The following XYLT1 variants were observed in gnomAD, a reference collection of about 807,000 sequenced individuals.
XYLT1 encodes beta-D-xylosyltransferase 1.
A neutral mutation model predicts 91.3 loss-of-function variants in XYLT1; 36 were observed. The ratio of observed to expected loss-of-function variants is 0.39; its 90% CI spans 0.30 to 0.52. The LOEUF is 0.52. Ranked by LOEUF, XYLT1 falls within the 20% of genes least tolerant of loss-of-function variation. The probability of loss-of-function intolerance (pLI) is 0.68; values close to 1 mark genes in which losing one functional copy is unlikely to be tolerated. For missense variants in XYLT1, 1,242 were observed against 1,284.5 expected, an observed-to-expected ratio of 0.97 and a Z score of 0.51; for synonymous variants, 588 against 532.0, an observed-to-expected ratio of 1.11 and a Z score of -1.45.
chr16:17,191,829 T>A (rs1165407264), intron 5 of XYLT1, among the ~76,000 whole-genome samples: 2 of 152,228 alleles, frequency 1.3e-5, no homozygotes, highest in African/African-American at 4.8e-5. Context: ...GTCCATGTGG[T>A]GGGCCCTGAT....
intron 1 of XYLT1, among the ~76,000 whole-genome samples, chr16:17,364,164 C>CT (rs1239489470): frequency 3.3e-5 from 5 of 152,204 alleles, no homozygotes; most frequent in Admixed American, 6.5e-5. Context: ...CCTAGCACCA[C>CT]TTGCGACCTT....
intron 2 of XYLT1, among the ~76,000 whole-genome samples, chr16:17,288,886 C>A (rs2034179864): frequency 6.6e-6 from 1 of 152,128 alleles, no homozygotes. Flanking sequence ...ATAAAAATTT[C>A]TTACCGTTTT....
chr16:17,341,858 G>A (rs560806886), intron 2 of XYLT1, among the ~76,000 whole-genome samples: 1 of 152,264 alleles, frequency 6.6e-6, no homozygotes, highest in African/African-American at 2.4e-5. Flanking sequence ...ACACGGAGTA[G>A]GTATAAACTA....
Position 17,259,012 on chromosome 16 carries a change from C to A in XYLT1, c.889G>T (p.Val297Leu). ...HKLGLLMPEK[V>L]TRFCPLEGKA... ...CCCTCGAGGGGGCAGAACCGAGTCACCTTCTCAGGCATCAGCAGCCCTAAC... is the reference window on the plus strand; with the variant it reads ...CCCTCGAGGGGGCAGAACCGAGTCAACTTCTCAGGCATCAGCAGCCCTAAC... Residue 297 changes from valine to leucine, a missense_variant, in exon 3 of 12, where the codon GTG becomes TTG. Val to Leu is a conservative substitution (Grantham distance 32, BLOSUM62 1). Around this residue, in one of 3 missense-constraint regions of XYLT1, gnomAD observed 437 missense variants for 411.5 expected, o/e 1.06. Transcript: ENST00000261381. The A allele has an allele frequency of 6.6e-7, 1 of 1,508,314 alleles. No individual in the cohort carries two copies. The allele number at this position is 1,508,314 out of a possible 1,614,324, so 93.4% of individuals were successfully genotyped here. A position where few individuals can be genotyped will look rare whatever the true frequency, so the allele number is the denominator to read the frequency against.
intron 2 of XYLT1, among the ~76,000 whole-genome samples, chr16:17,272,461 G>A (rs1021762303): frequency 1.3e-5 from 2 of 152,042 alleles, no homozygotes; most frequent in African/African-American, 2.4e-5. Flanking sequence ...CACTGCGCCC[G>A]GCCATGTCTC....
At chr16:17,385,399 T>G (rs1596517363) in intron 1 of XYLT1, among the ~76,000 whole-genome samples, 1 of 151,948 alleles carries the variant, frequency 6.6e-6, no homozygotes, top group East Asian at 2.0e-4. Flanking sequence ...TTCAGCTATA[T>G]TATATGCTGT....
intron 2 of XYLT1, among the ~76,000 whole-genome samples, chr16:17,353,290 C>T (rs115986949): frequency 5.9e-5 from 9 of 152,206 alleles, no homozygotes; most frequent in Non-Finnish European, 1.2e-4. Context: ...TATCTCCCAA[C>T]GTATCTCAGT....
At chr16:17,184,634 C>T (rs77109954) in intron 5 of XYLT1, among the ~76,000 whole-genome samples, 9,857 of 152,272 alleles carry the variant, frequency 0.065, 510 homozygotes, top group African/African-American at 0.14. Flanking sequence ...CTGTGGCTAA[C>T]GGCTACCATA....
chr16:17,141,126 C>A (rs1321589979), intron 7 of XYLT1, 27 bp downstream of exon 7: 6 of 1,607,144 alleles, frequency 3.7e-6, no homozygotes, highest in Non-Finnish European at 5.1e-6. Context: ...CCCTATCTTT[C>A]TTGGGAAAAT....
At chr16:17,385,969 A>C (rs528255887) in intron 1 of XYLT1, among the ~76,000 whole-genome samples, 1 of 152,374 alleles carries the variant, frequency 6.6e-6, no homozygotes, top group African/African-American at 2.4e-5. Flanking sequence ...TCAAGGGTAA[A>C]TGACTTAAAA....
chr16:17,445,601 AG>A (rs1265476219), intron 1 of XYLT1, among the ~76,000 whole-genome samples: 3 of 152,210 alleles, frequency 2.0e-5, no homozygotes, highest in African/African-American at 7.2e-5. Flanking sequence ...CTACTGGCTC[AG>A]GAAGTTCCAC....
chr16:17,255,354 G>T (rs1426848410), intron 3 of XYLT1, among the ~76,000 whole-genome samples: 2 of 152,102 alleles, frequency 1.3e-5, no homozygotes, highest in East Asian at 3.9e-4. Context: ...TGTATGTGTG[G>T]TCTCTGGCTG....
intron 2 of XYLT1, among the ~76,000 whole-genome samples, chr16:17,347,656 C>T (rs140720202): frequency 1.0e-3 from 154 of 152,338 alleles, no homozygotes; most frequent in African/African-American, 3.4e-3. Flanking sequence ...CTGGAAGACC[C>T]TCTCCTTTAA....
chr16:17,115,800 T>TAAA (rs71137969), intron 11 of XYLT1, among the ~76,000 whole-genome samples: 1,174 of 50,302 alleles, frequency 0.023, 200 homozygotes, highest in South Asian at 0.067. Flanking sequence ...TCTGTTATAT[T>TAAA]AAAAAAAAAA....
chr16:17,318,494 G>T (rs777811101), intron 2 of XYLT1, among the ~76,000 whole-genome samples: 3 of 152,236 alleles, frequency 2.0e-5, no homozygotes, highest in Non-Finnish European at 4.4e-5. Context: ...CTGCAGGGTA[G>T]AAGGTCCTGG....
At chr16:17,279,618 C>T (rs2034027485) in intron 2 of XYLT1, among the ~76,000 whole-genome samples, 1 of 152,194 alleles carries the variant, frequency 6.6e-6, no homozygotes, top group African/African-American at 2.4e-5. Context: ...ATTTTGGATA[C>T]ACTGTGGGCT....
At chr16:17,199,372 G>T (rs2032490210) in intron 4 of XYLT1, among the ~76,000 whole-genome samples, 1 of 152,204 alleles carries the variant, frequency 6.6e-6, no homozygotes, top group Non-Finnish European at 1.5e-5. Context: ...TTGTTGACAT[G>T]TTCTCCTTGG....
At chr16:17,202,046 T>C (rs1416707646) in intron 3 of XYLT1, among the ~76,000 whole-genome samples, 2 of 152,150 alleles carry the variant, frequency 1.3e-5, no homozygotes, top group African/African-American at 2.4e-5. Flanking sequence ...AAAATCAGCC[T>C]CAAAGACTCC....
At position 17,138,430 on chromosome 16, in the gene XYLT1, G is replaced by A. The variant is rs755592270; in HGVS notation, c.1689C>T (p.Cys563=). ...TNWNRKLGCK[C]QYKHIVDWCG... is the part of the protein sequence containing the mutation. Reference sequence around the variant, plus strand: ...ACCAGTCCACGATGTGCTTGTACTGGCACTTGCAGCCCAGCTTGCGATTCC... The same window carrying A: ...ACCAGTCCACGATGTGCTTGTACTGACACTTGCAGCCCAGCTTGCGATTCC... Residue 563 remains cysteine, a synonymous_variant, in exon 8 of 12, where the codon TGC becomes TGT. Coordinates refer to ENST00000261381, the MANE Select transcript of XYLT1 (RefSeq NM_022166.4). 1.9e-6 allele frequency: 3 copies of A among 1,614,182 alleles called. No homozygotes were observed. The South Asian group carries it at 3.3e-5, about 18-fold the overall frequency.
Sources: gnomAD v4.1 joint callset for allele counts (sites outside exome capture counted in the v4.1 genomes callset) on GRCh38, gnomAD v4.1.1 for gene constraint, gnomAD v4.1.1 regional missense constraint, MANE v1.5 for transcripts, NCBI Gene and HGNC (gene_info 2026-07-23, HGNC 2026-07-21) for gene names.